NAALADL2: variants seen among roughly 807,000 people sequenced by gnomAD.
The protein encoded by NAALADL2 is N-acetylated alpha-linked acidic dipeptidase like 2.
In NAALADL2, 76 loss-of-function variants were observed where a neutral mutation model predicts 87.2. The observed-to-expected ratio is 0.87, with a 90% CI of 0.72 to 1.05. NAALADL2 has a LOEUF of 1.05. NAALADL2 is among the 50% of genes least tolerant of loss of function. The pLI is 0.00. For synonymous variants in NAALADL2, 354 were observed against 331.0 expected (o/e 1.07, Z -0.75); for missense variants, 1,089 against 945.8 (o/e 1.15, Z -1.99).
chr3:174,674,835 T>C (rs1726896813), intron 2 of NAALADL2, among the ~76,000 whole-genome samples: 1 of 152,096 alleles, frequency 6.6e-6, no homozygotes, highest in African/African-American at 2.4e-5. Context: ...ATATGTTATT[T>C]AGGCTTATAA....
intron 4 of NAALADL2, among the ~76,000 whole-genome samples, chr3:175,299,799 C>T (rs1756814233): frequency 6.6e-6 from 1 of 151,990 alleles, no homozygotes; most frequent in Non-Finnish European, 1.5e-5. Flanking sequence ...GCCTGATTGC[C>T]CTGTCCAGAA....
At chr3:174,770,546 C>T (rs1044855727) in intron 3 of NAALADL2, among the ~76,000 whole-genome samples, 4 of 152,106 alleles carry the variant, frequency 2.6e-5, no homozygotes, top group Admixed American at 6.6e-5. Flanking sequence ...TACATAAGTT[C>T]TATTGAGAAA....
chr3:175,495,092 A>ATATATTTT (rs754412056), intron 9 of NAALADL2, among the ~76,000 whole-genome samples: 134 of 136,496 alleles, frequency 9.8e-4, no homozygotes, highest in East Asian at 7.7e-3. Context: ...ATATATATAT[A>ATATATTTT]TTTTTTTTTA....
chr3:175,311,666 T>C (rs1484450860), intron 4 of NAALADL2, among the ~76,000 whole-genome samples: 1 of 147,536 alleles, frequency 6.8e-6, no homozygotes, highest in Non-Finnish European at 1.5e-5. Flanking sequence ...CTCCCTTCTT[T>C]CCTTCCTTTC....
chr3:175,377,006 T>A (rs1456969042), intron 5 of NAALADL2, among the ~76,000 whole-genome samples: 12 of 128,664 alleles, frequency 9.3e-5, no homozygotes, highest in Admixed American at 5.6e-4. Flanking sequence ...GGCCTTCTTT[T>A]AAAAAAAAAA....
chr3:175,428,613 C>T (rs1717221720), intron 5 of NAALADL2, among the ~76,000 whole-genome samples: 1 of 152,074 alleles, frequency 6.6e-6, no homozygotes, highest in African/African-American at 2.4e-5. Flanking sequence ...TCTTTTCAAT[C>T]TGTCTTCTTC....
At chr3:175,511,446 A>C (rs1192945942) in intron 9 of NAALADL2, among the ~76,000 whole-genome samples, 2 of 152,238 alleles carry the variant, frequency 1.3e-5, no homozygotes, top group African/African-American at 4.8e-5. Context: ...ATGCACATGC[A>C]CAAAGGAAGG....
chr3:174,847,344 A>G (rs1468489735), intron 3 of NAALADL2, among the ~76,000 whole-genome samples: 1 of 152,238 alleles, frequency 6.6e-6, no homozygotes, highest in African/African-American at 2.4e-5. Flanking sequence ...TTAAAGAGGA[A>G]TATCTGCTCT....
At chr3:174,985,637 A>G (rs1433411511) in intron 1 of NAALADL2, among the ~76,000 whole-genome samples, 1 of 152,160 alleles carries the variant, frequency 6.6e-6, no homozygotes, top group African/African-American at 2.4e-5. Context: ...GAGATTTGAA[A>G]CAAGGTATAT....
intron 1 of NAALADL2, among the ~76,000 whole-genome samples, chr3:174,979,339 T>G (rs1268859491): frequency 7.3e-6 from 1 of 137,044 alleles, no homozygotes; most frequent in South Asian, 2.3e-4. Context: ...GGAGTCTCGC[T>G]CTGTTGCCCA....
At chr3:174,772,394 G>T (rs1714677591) in intron 3 of NAALADL2, among the ~76,000 whole-genome samples, 1 of 151,986 alleles carries the variant, frequency 6.6e-6, no homozygotes, top group Non-Finnish European at 1.5e-5. Context: ...GATGTTAATT[G>T]GTGTGCAGAT....
intron 2 of NAALADL2, among the ~76,000 whole-genome samples, chr3:175,129,373 AC>A: frequency 6.6e-6 from 1 of 152,126 alleles, no homozygotes; most frequent in East Asian, 1.9e-4. Flanking sequence ...AACTATAGTC[AC>A]TGTGGTTTAC....
intron 11 of NAALADL2, among the ~76,000 whole-genome samples, chr3:175,683,597 T>G (rs931269050): frequency 5.3e-5 from 8 of 152,022 alleles, no homozygotes; most frequent in Admixed American, 6.6e-5. Context: ...TTTAAAATCT[T>G]ATTAGTAAAT....
rs1164721834 is a variant in NAALADL2 at position 174,694,797 on chromosome 3, C to T, written c.-114-42844C>T. ...GTGTGTTTTTATGTTAAATTTTACA[C>T]AGAACACAAATAAAATATATTAAAA... On this transcript the variant is annotated intron_variant, in intron 2 of 3. Coordinates refer to the NAALADL2 transcript ENST00000434257. 2.6e-5 allele frequency among the ~76,000 whole-genome samples: 4 copies of T among 151,902 alleles called. No individual in the cohort carries two copies. The East Asian group carries it at 7.7e-4, about 29-fold the overall frequency.
At chr3:174,610,226 A>G (rs1329773525) in intron 2 of NAALADL2, among the ~76,000 whole-genome samples, 1 of 151,686 alleles carries the variant, frequency 6.6e-6, no homozygotes, top group Admixed American at 6.6e-5. Flanking sequence ...AAGAAAACCT[A>G]GGCATTACCA....
intron 1 of NAALADL2, among the ~76,000 whole-genome samples, chr3:175,069,006 T>G (rs933578090): frequency 3.9e-5 from 6 of 152,006 alleles, no homozygotes; most frequent in African/African-American, 1.4e-4. Flanking sequence ...TAACAAAAAT[T>G]AATTCAAGAT....
At chr3:174,983,938 A>C (rs9848128) in intron 1 of NAALADL2, among the ~76,000 whole-genome samples, 2 of 152,210 alleles carry the variant, frequency 1.3e-5, no homozygotes, top group East Asian at 3.9e-4. Flanking sequence ...AAAAAACTTG[A>C]TGAATACATA....
At chr3:174,763,299 A>G (rs1235670961) in intron 3 of NAALADL2, among the ~76,000 whole-genome samples, 1 of 152,106 alleles carries the variant, frequency 6.6e-6, no homozygotes, top group Admixed American at 6.6e-5. Flanking sequence ...TTCAGATACA[A>G]AAATGTTGGC....
chr3:175,187,077 T>G (rs1737453137), intron 2 of NAALADL2, among the ~76,000 whole-genome samples: 1 of 152,158 alleles, frequency 6.6e-6, no homozygotes, highest in Non-Finnish European at 1.5e-5. Flanking sequence ...TGGTAGACAC[T>G]GCAATTGTCA....
Sources: allele counts gnomAD v4.1 joint callset (sites outside exome capture counted in the v4.1 genomes callset), GRCh38; gene constraint gnomAD v4.1.1; transcripts MANE v1.5; gene names NCBI Gene and HGNC (gene_info 2026-07-23, HGNC 2026-07-21).